SPOCK1: variants seen among roughly 807,000 people sequenced by gnomAD.
The protein encoded by SPOCK1 is testican-1.
A neutral mutation model predicts 55.3 loss-of-function variants in SPOCK1; 23 were observed. That is an observed-to-expected ratio of 0.42 (90% CI 0.30 to 0.59). The LOEUF is 0.59. Among genes scored for constraint, SPOCK1 ranks in the 20% least tolerant of loss-of-function variants. SPOCK1 has a pLI of 0.22. For synonymous variants in SPOCK1, 226 were observed against 221.0 expected (o/e 1.02, Z -0.20); for missense variants, 499 against 552.5 (o/e 0.90, Z 0.97).
chr5:136,987,308 C>T (rs1418718236), intron 8 of SPOCK1, among the ~76,000 whole-genome samples: 1 of 151,998 alleles, frequency 6.6e-6, no homozygotes, highest in African/African-American at 2.4e-5. Flanking sequence ...TACCTATGAC[C>T]AGAAAAGTTC....
intron 5 of SPOCK1, among the ~76,000 whole-genome samples, chr5:137,081,957 T>C (rs759175844): frequency 3.9e-5 from 6 of 152,236 alleles, no homozygotes; most frequent in Non-Finnish European, 7.3e-5. Context: ...TTCTTTTGAT[T>C]ACACAGTTTT....
intron 5 of SPOCK1, among the ~76,000 whole-genome samples, chr5:137,109,935 C>T (rs1329151531): frequency 6.6e-6 from 1 of 152,178 alleles, no homozygotes; most frequent in Non-Finnish European, 1.5e-5. Flanking sequence ...TTTCTGTGTT[C>T]CCTACCAGAT....
chr5:137,385,321 C>T (rs1348660456), intron 2 of SPOCK1, among the ~76,000 whole-genome samples: 1 of 152,152 alleles, frequency 6.6e-6, no homozygotes, highest in Non-Finnish European at 1.5e-5. Flanking sequence ...ATCAGATAGA[C>T]CCATGCTTGG....
chr5:137,381,325 A>C (rs750971600), intron 2 of SPOCK1, among the ~76,000 whole-genome samples: 1 of 152,092 alleles, frequency 6.6e-6, no homozygotes, highest in Non-Finnish European at 1.5e-5. Flanking sequence ...TGAATCTACC[A>C]TTCTGGGGTC....
intron 4 of SPOCK1, among the ~76,000 whole-genome samples, chr5:137,120,237 T>C (rs943021772): frequency 9.2e-5 from 14 of 152,030 alleles, no homozygotes; most frequent in South Asian, 2.1e-4. Context: ...CCAGAAGAAG[T>C]AGAGAGCCAT....
chr5:137,401,158 T>C (rs2127183988), intron 2 of SPOCK1, among the ~76,000 whole-genome samples: 1 of 152,068 alleles, frequency 6.6e-6, no homozygotes, highest in South Asian at 2.1e-4. Flanking sequence ...ATGGACTAAG[T>C]CATCAAGAGA....
chr5:137,045,250 A>G (rs1294677628), intron 6 of SPOCK1, among the ~76,000 whole-genome samples: 1 of 122,702 alleles, frequency 8.1e-6, no homozygotes, highest in African/African-American at 3.2e-5. Flanking sequence ...ACTAGTTTAC[A>G]GTCCCACCAA....
At chr5:137,222,363 A>G (rs1755872208) in intron 3 of SPOCK1, among the ~76,000 whole-genome samples, 1 of 152,216 alleles carries the variant, frequency 6.6e-6, no homozygotes, top group Non-Finnish European at 1.5e-5. Context: ...TTAAGTGGGA[A>G]CAAAGGCTAA....
At chr5:137,074,196 C>T (rs150796423) in intron 5 of SPOCK1, among the ~76,000 whole-genome samples, 183 of 152,132 alleles carry the variant, frequency 1.2e-3, no homozygotes, top group African/African-American at 4.2e-3. Context: ...AATTAAAAAT[C>T]GGAAACAAAT....
intron 6 of SPOCK1, among the ~76,000 whole-genome samples, chr5:137,010,627 A>T (rs962769164): frequency 6.6e-6 from 1 of 152,144 alleles, no homozygotes; most frequent in African/African-American, 2.4e-5. Context: ...ACCAGCACAC[A>T]CATAAAGGCC....
At chr5:137,279,701 C>T (rs968761762) in intron 2 of SPOCK1, among the ~76,000 whole-genome samples, 31 of 152,044 alleles carry the variant, frequency 2.0e-4, no homozygotes, top group African/African-American at 6.5e-4. Context: ...AGCTGGCTGC[C>T]GGAGATAATG....
chr5:137,346,554 G>A (rs1375816375), intron 2 of SPOCK1, among the ~76,000 whole-genome samples: 2 of 152,212 alleles, frequency 1.3e-5, no homozygotes, highest in African/African-American at 4.8e-5. Context: ...AGGGTGAACA[G>A]GAGGAATGCA....
intron 3 of SPOCK1, among the ~76,000 whole-genome samples, chr5:137,231,270 C>A (rs1371145992): frequency 6.6e-6 from 1 of 152,164 alleles, no homozygotes; most frequent in Non-Finnish European, 1.5e-5. Context: ...GTCTCGAACT[C>A]CTGTCCTCAG....
chr5:137,068,348 C>T (rs560821736), intron 5 of SPOCK1, among the ~76,000 whole-genome samples: 14 of 152,274 alleles, frequency 9.2e-5, no homozygotes, highest in African/African-American at 2.6e-4. Flanking sequence ...AGAATGAATG[C>T]TCTTGCTTCC....
At chr5:137,261,401 A>T (rs1055113419) in intron 3 of SPOCK1, among the ~76,000 whole-genome samples, 1 of 152,182 alleles carries the variant, frequency 6.6e-6, no homozygotes, top group Non-Finnish European at 1.5e-5. Flanking sequence ...GGAACATGAA[A>T]AGAACTCCCT....
intron 2 of SPOCK1, among the ~76,000 whole-genome samples, chr5:137,458,100 T>C (rs1410415146): frequency 6.6e-6 from 1 of 152,158 alleles, no homozygotes; most frequent in Non-Finnish European, 1.5e-5. Flanking sequence ...TGGACTCTTC[T>C]TGGTAAGTCA....
At chr5:137,310,229 A>G (rs556779628) in intron 2 of SPOCK1, among the ~76,000 whole-genome samples, 1 of 152,042 alleles carries the variant, frequency 6.6e-6, no homozygotes, top group Non-Finnish European at 1.5e-5. Flanking sequence ...AAAGTGCTTA[A>G]CACAGCTCCC....
At chr5:137,001,061 G>A (rs998618675) in intron 6 of SPOCK1, among the ~76,000 whole-genome samples, 7 of 152,118 alleles carry the variant, frequency 4.6e-5, no homozygotes, top group Non-Finnish European at 7.3e-5. Flanking sequence ...AGGGCTGAAC[G>A]CAGATCCCAG....
At chr5:137,353,160 G>T (rs552208295) in intron 2 of SPOCK1, among the ~76,000 whole-genome samples, 7 of 152,086 alleles carry the variant, frequency 4.6e-5, no homozygotes, top group Non-Finnish European at 2.9e-5. Flanking sequence ...TGGGCGGATC[G>T]ATAGAGCCCA....
Sources: allele counts gnomAD v4.1 joint callset (sites outside exome capture counted in the v4.1 genomes callset), GRCh38; gene constraint gnomAD v4.1.1; transcripts MANE v1.5; gene names NCBI Gene and HGNC (gene_info 2026-07-23, HGNC 2026-07-21).